SUCO: variants seen among roughly 807,000 people sequenced by gnomAD.
The protein encoded by SUCO is SUN domain containing ossification factor.
Under a neutral mutation model 148.1 loss-of-function variants are expected in SUCO, and 57 were observed. The ratio of observed to expected loss-of-function variants is 0.38; its 90% confidence interval spans 0.31 to 0.48. SUCO has a LOEUF of 0.48. Among genes scored for constraint, SUCO ranks in the 20% least tolerant of loss-of-function variants. The pLI, the probability that SUCO is intolerant of heterozygous loss-of-function variation, is 0.96. For missense variants in SUCO, 1,331 were observed against 1,468.2 expected, an observed-to-expected ratio of 0.91 and a Z score of 1.53; for synonymous variants, 470 against 502.7, an observed-to-expected ratio of 0.93 and a Z score of 0.87.
At chr1:172,558,252 C>T (rs1654140607) in intron 6 of SUCO, among the ~76,000 whole-genome samples, 1 of 152,152 alleles carries the variant, frequency 6.6e-6, no homozygotes, top group Non-Finnish European at 1.5e-5. Flanking sequence ...AACCAGACCA[C>T]CTTATATTTT....
intron 20 of SUCO, 45 bp from the exon 21 acceptor site, chr1:172,602,019 A>G (rs1473223937): frequency 5.9e-6 from 9 of 1,525,064 alleles, no homozygotes; most frequent in African/African-American, 2.8e-5. Flanking sequence ...TATTTTTCCT[A>G]ATATGATTTC....
At chr1:172,553,844 T>G (rs1653504388) in intron 3 of SUCO, among the ~76,000 whole-genome samples, 1 of 152,216 alleles carries the variant, frequency 6.6e-6, no homozygotes, top group Non-Finnish European at 1.5e-5. Flanking sequence ...TTGTTTATTT[T>G]GTGCACCAGA....
chr1:172,601,423 C>T (rs1657517688), intron 20 of SUCO, among the ~76,000 whole-genome samples: 1 of 150,730 alleles, frequency 6.6e-6, no homozygotes, highest in African/African-American at 2.4e-5. Context: ...TAGTTGAACC[C>T]AGGAGGTGGA....
chr1:172,595,190 A>G (rs539550945), intron 19 of SUCO, among the ~76,000 whole-genome samples: 2 of 152,138 alleles, frequency 1.3e-5, no homozygotes, highest in East Asian at 1.9e-4. Flanking sequence ...TGCACATGAG[A>G]TGGGTCTCCT....
At chr1:172,606,432 A>G (rs542052521) in intron 22 of SUCO, among the ~76,000 whole-genome samples, 219 of 151,828 alleles carry the variant, frequency 1.4e-3, no homozygotes, top group South Asian at 2.7e-3. Context: ...ATGTTTGCCA[A>G]AGTCTCAAGT....
At chr1:172,572,562 C>T (rs1008251656) in intron 9 of SUCO, among the ~76,000 whole-genome samples, 13 of 151,894 alleles carry the variant, frequency 8.6e-5, no homozygotes, top group South Asian at 4.2e-4. Context: ...ACAAACACTG[C>T]GGAAGGCCGC....
chr1:172,590,804 A>C (rs1239049511), intron 18 of SUCO, among the ~76,000 whole-genome samples, 180 bp from the exon 19 acceptor site: 2 of 152,188 alleles, frequency 1.3e-5, no homozygotes, highest in Non-Finnish European at 2.9e-5. Flanking sequence ...CAAGGGAACC[A>C]CAGAAATTAC....
intron 20 of SUCO, among the ~76,000 whole-genome samples, chr1:172,600,906 G>A (rs1657468126): frequency 6.6e-6 from 1 of 152,186 alleles, no homozygotes; most frequent in Non-Finnish European, 1.5e-5. Flanking sequence ...TAGAAACAGT[G>A]TAATGTGTTT....
intron 1 of SUCO, among the ~76,000 whole-genome samples, chr1:172,545,832 A>G (rs144866778): frequency 2.5e-3 from 381 of 152,326 alleles, no homozygotes; most frequent in African/African-American, 8.3e-3. Context: ...TAATAAGTCA[A>G]TTTTACAATG....
At chr1:172,562,977 C>A (rs1571216032) in intron 6 of SUCO, among the ~76,000 whole-genome samples, 1 of 152,166 alleles carries the variant, frequency 6.6e-6, no homozygotes, top group East Asian at 1.9e-4. Flanking sequence ...CACTCTCTTC[C>A]TCCTGCACTG....
intron 23 of SUCO, chr1:172,609,553 G>C (rs113455944): frequency 2.5e-5 from 25 of 983,668 alleles, no homozygotes; most frequent in African/African-American, 1.7e-4. Flanking sequence ...TAGGTATTCA[G>C]ATATTAGTAT....
chr1:172,533,310 G>GC lies in SUCO; in HGVS notation c.-124dup. The GC allele has an allele frequency of 1.3e-6, 2 of 1,550,778 alleles. No homozygotes were observed. The highest frequency in any genetic ancestry group is 1.7e-6 in the Non-Finnish European group (2 of 1,146,974). ...GCCACTGAGGAGCCGCTCAGCCAGCGCCATAGCCCTTAGGACTATCGGTCA... is the reference window on the plus strand; with the variant it reads ...GCCACTGAGGAGCCGCTCAGCCAGCGCCCATAGCCCTTAGGACTATCGGTCA... On this transcript the variant is annotated 5_prime_UTR_variant, in exon 1 of 24. Coordinates refer to ENST00000263688, the MANE Select transcript of SUCO (RefSeq NM_014283.5).
chr1:172,587,787 GTGTT>G (rs1193718039), intron 17 of SUCO, among the ~76,000 whole-genome samples: 1 of 152,054 alleles, frequency 6.6e-6, no homozygotes, highest in Non-Finnish European at 1.5e-5. Flanking sequence ...GGGAAAATGT[GTGTT>G]TGAGCATAAT....
chr1:172,560,160 T>G (rs897945374), intron 6 of SUCO, among the ~76,000 whole-genome samples: 14 of 152,214 alleles, frequency 9.2e-5, no homozygotes, highest in African/African-American at 2.9e-4. Context: ...TGTTGTAATC[T>G]AAGACAAAAC....
intron 5 of SUCO, 87 bp downstream of exon 5, chr1:172,557,504 C>T: frequency 1.9e-6 from 3 of 1,547,516 alleles, no homozygotes; most frequent in Non-Finnish European, 2.6e-6. Context: ...ATGTTAAATT[C>T]CACTTTGATT....
chr1:172,586,011 A>T, intron 17 of SUCO, 63 bp downstream of exon 17: 1 of 1,036,514 alleles, frequency 9.6e-7, no homozygotes, highest in East Asian at 2.5e-5. Context: ...ATATTAGTAT[A>T]AAAAAAGGAA....
chr1:172,593,936 A>G (rs12731634), intron 19 of SUCO, among the ~76,000 whole-genome samples: 1 of 152,220 alleles, frequency 6.6e-6, no homozygotes, highest in East Asian at 1.9e-4. Context: ...GCTATTAATT[A>G]TTGCCTCAAT....
intron 1 of SUCO, among the ~76,000 whole-genome samples, chr1:172,534,712 G>A (rs1651885702): frequency 6.6e-6 from 1 of 152,120 alleles, no homozygotes; most frequent in Non-Finnish European, 1.5e-5. Flanking sequence ...ACGGAGAAGT[G>A]CCTGTAAGAG....
chr1:172,543,680 G>A (rs1214259151), intron 1 of SUCO, among the ~76,000 whole-genome samples: 1 of 152,064 alleles, frequency 6.6e-6, no homozygotes, highest in African/African-American at 2.4e-5. Flanking sequence ...TTAAAAGTCA[G>A]AACTACTGAA....
Sources: allele counts gnomAD v4.1 joint callset (sites outside exome capture counted in the v4.1 genomes callset), GRCh38; gene constraint gnomAD v4.1.1; transcripts MANE v1.5; gene names NCBI Gene and HGNC (gene_info 2026-07-23, HGNC 2026-07-21).